The following MTPN variants were observed in gnomAD, a reference collection of about 807,000 sequenced individuals.
The protein encoded by MTPN is granule cell differentiation protein.
MTPN carries 2 observed loss-of-function variants against 13.5 expected under a neutral mutation model. The observed-to-expected ratio is 0.15, with a 90% CI of 0.06 to 0.47. The LOEUF is 0.47. Among genes scored for constraint, MTPN ranks in the 20% least tolerant of loss-of-function variants. The pLI, the probability that MTPN is intolerant of heterozygous loss-of-function variation, is 0.97. For synonymous variants in MTPN, 46 were observed against 51.7 expected (o/e 0.89, Z 0.48); for missense variants, 79 against 137.9 (o/e 0.57, Z 2.14).
intron 1 of MTPN, among the ~76,000 whole-genome samples, chr7:135,968,762 A>G (rs1465186005): frequency 6.6e-6 from 1 of 151,718 alleles, no homozygotes; most frequent in African/African-American, 2.4e-5. Context: ...TTATTAAAAG[A>G]TACAGGTTAA....
chr7:135,968,891 T>C (rs913700689), intron 1 of MTPN, among the ~76,000 whole-genome samples: 14 of 151,936 alleles, frequency 9.2e-5, no homozygotes, highest in Admixed American at 8.5e-4. Flanking sequence ...AAAACCTATT[T>C]TGAAACCACA....
intron 1 of MTPN, among the ~76,000 whole-genome samples, chr7:135,955,025 T>C (rs1375159604): frequency 6.6e-6 from 1 of 152,208 alleles, no homozygotes; most frequent in African/African-American, 2.4e-5. Flanking sequence ...GAGTTTAAAT[T>C]TTCTCCTTTA....
rs1799537957 is a variant in MTPN at position 135,962,387 on chromosome 7, T to C, written c.73-10757A>G. Among the ~76,000 whole-genome samples the C allele has an allele frequency of 2.0e-5, 3 of 151,868 alleles. No individual in the cohort carries two copies. In the South Asian group the frequency reaches 6.2e-4, roughly 32 times the overall value. On this transcript the variant is annotated intron_variant, in intron 1 of 3. Transcript: ENST00000393085. ...AATACTAAATCTCCTAAATTACTGA[T>C]GGAGCAAAGAAGGACTCAATACTAG...
intron 1 of MTPN, among the ~76,000 whole-genome samples, chr7:135,972,108 C>G (rs1562937927): frequency 6.6e-6 from 1 of 152,166 alleles, no homozygotes; most frequent in Non-Finnish European, 1.5e-5. Context: ...ATTAGTTGTA[C>G]CGGCTTCTTA....
At chr7:135,965,263 A>G (rs1799587909) in intron 1 of MTPN, among the ~76,000 whole-genome samples, 1 of 152,152 alleles carries the variant, frequency 6.6e-6, no homozygotes, top group Non-Finnish European at 1.5e-5. Flanking sequence ...TGTACACAAC[A>G]TGAATTGAGT....
chr7:135,970,691 T>A (rs960035761), intron 1 of MTPN, among the ~76,000 whole-genome samples: 31 of 152,136 alleles, frequency 2.0e-4, no homozygotes, highest in Non-Finnish European at 2.6e-4. Flanking sequence ...CAAAACACTT[T>A]ATATAGCCTA....
intron 1 of MTPN, among the ~76,000 whole-genome samples, chr7:135,968,639 A>C (rs1799641847): frequency 6.6e-6 from 1 of 151,984 alleles, no homozygotes; most frequent in Non-Finnish European, 1.5e-5. Context: ...GCACATTCTC[A>C]CAGTGCATGA....
intron 1 of MTPN, among the ~76,000 whole-genome samples, chr7:135,969,020 A>C (rs1311530862): frequency 3.5e-5 from 5 of 142,508 alleles, no homozygotes; most frequent in African/African-American, 1.3e-4. Context: ...CCTATGAGTG[A>C]GAATATGTGG....
At chr7:135,973,361 T>G (rs1480415317) in intron 1 of MTPN, among the ~76,000 whole-genome samples, 1 of 151,534 alleles carries the variant, frequency 6.6e-6, no homozygotes, top group Non-Finnish European at 1.5e-5. Flanking sequence ...TGAGGGAGAC[T>G]AAGAAGGTAG....
chr7:135,968,778 A>G (rs988153355), intron 1 of MTPN, among the ~76,000 whole-genome samples: 1 of 151,630 alleles, frequency 6.6e-6, no homozygotes, highest in African/African-American at 2.4e-5. Flanking sequence ...GTTAAGTTTT[A>G]GGTAGGTTCA....
At chr7:135,944,912 A>G (rs1323097600) in intron 3 of MTPN, among the ~76,000 whole-genome samples, 1 of 152,184 alleles carries the variant, frequency 6.6e-6, no homozygotes, top group Non-Finnish European at 1.5e-5. Flanking sequence ...GAATTTCATC[A>G]TTGTGTGAAC....
intron 3 of MTPN, among the ~76,000 whole-genome samples, chr7:135,937,065 ACTT>A (rs1799126481): frequency 6.6e-6 from 1 of 152,164 alleles, no homozygotes; most frequent in African/African-American, 2.4e-5. Context: ...ACCTTTATCT[ACTT>A]CTTACTTCAG....
intron 2 of MTPN, among the ~76,000 whole-genome samples, chr7:135,951,248 C>G (rs1478458776): frequency 6.6e-6 from 1 of 152,106 alleles, no homozygotes; most frequent in Non-Finnish European, 1.5e-5. Flanking sequence ...GTGCTAACTC[C>G]CCAAGCTTTA....
chr7:135,942,216 A>G (rs1290365603), intron 3 of MTPN, among the ~76,000 whole-genome samples: 1 of 152,120 alleles, frequency 6.6e-6, no homozygotes, highest in East Asian at 1.9e-4. Context: ...AAGGTGGTAC[A>G]TCCTAAGTTT....
At chr7:135,976,288 T>C (rs867435941) in intron 1 of MTPN, among the ~76,000 whole-genome samples, 2 of 152,208 alleles carry the variant, frequency 1.3e-5, no homozygotes, top group African/African-American at 2.4e-5. Flanking sequence ...CTAAACTGCA[T>C]TGCTATTTAC....
rs564085791 is a variant in MTPN, at chr7:135,946,631, T to C, written c.270+3968A>G. Among the ~76,000 whole-genome samples, 32 of 152,330 alleles carry C rather than the reference T, an allele frequency of 2.1e-4. No individual in the cohort carries two copies. In the South Asian group the frequency reaches 6.4e-3, roughly 31 times the overall value. On this transcript the variant is annotated intron_variant, in intron 3 of 3. Coordinates refer to ENST00000393085, the MANE Select transcript of MTPN (RefSeq NM_145808.4). ...CAAAAAGGGTATGCCTAGGAAAAAG[T>C]TTGCCAACTTTTGAACTGAAGGACT...
At chr7:135,968,075 C>T (rs1011358837) in intron 1 of MTPN, among the ~76,000 whole-genome samples, 1 of 152,138 alleles carries the variant, frequency 6.6e-6, no homozygotes, top group Non-Finnish European at 1.5e-5. Context: ...GGATTACAGA[C>T]ATGAGTCATC....
At chr7:135,960,226 G>C (rs1181111646) in intron 1 of MTPN, among the ~76,000 whole-genome samples, 1 of 152,048 alleles carries the variant, frequency 6.6e-6, no homozygotes, top group Non-Finnish European at 1.5e-5. Context: ...TTTGTTTTGG[G>C]AATACAGAAA....
chr7:135,952,733 T>C (rs899591613), intron 1 of MTPN, among the ~76,000 whole-genome samples: 4 of 152,120 alleles, frequency 2.6e-5, no homozygotes, highest in Admixed American at 2.6e-4. Context: ...AGGCCAAGAC[T>C]GGTACATCAC....
Sources: gnomAD v4.1 joint callset for allele counts (sites outside exome capture counted in the v4.1 genomes callset) on GRCh38, gnomAD v4.1.1 for gene constraint, MANE v1.5 for transcripts, NCBI Gene and HGNC (gene_info 2026-07-23, HGNC 2026-07-21) for gene names.